DCC: variants seen among roughly 807,000 people sequenced by gnomAD.
DCC encodes the protein netrin receptor DCC.
DCC carries 58 observed loss-of-function variants against 172.5 expected under a neutral mutation model. That is an observed-to-expected ratio of 0.34 (90% CI 0.27 to 0.42). DCC has a LOEUF of 0.42. Ranked by LOEUF, DCC falls within the 10% of genes least tolerant of loss-of-function variation. The pLI is 1.00. For synonymous variants in DCC, 709 were observed against 644.5 expected (o/e 1.10, Z -1.52); for missense variants, 1,740 against 1,791.0 (o/e 0.97, Z 0.51).
At chr18:52,507,680 C>A (rs578036324) in intron 1 of DCC, among the ~76,000 whole-genome samples, 4 of 152,308 alleles carry the variant, frequency 2.6e-5, no homozygotes, top group Non-Finnish European at 5.9e-5. Context: ...CCAGCTAAAC[C>A]TTTTCTTTTG....
chr18:52,730,094 A>G (rs1474534261), intron 1 of DCC, among the ~76,000 whole-genome samples: 1 of 152,214 alleles, frequency 6.6e-6, no homozygotes, highest in East Asian at 1.9e-4. Flanking sequence ...GTTTGTTTCA[A>G]TGATTTTTTT....
At chr18:52,879,377 C>G (rs1044386004) in intron 2 of DCC, among the ~76,000 whole-genome samples, 2 of 137,950 alleles carry the variant, frequency 1.4e-5, no homozygotes, top group African/African-American at 5.4e-5. Context: ...TGTTAACCAA[C>G]TATACATGAA....
At chr18:53,497,509 C>T (rs1414057130) in intron 26 of DCC, among the ~76,000 whole-genome samples, 2 of 152,162 alleles carry the variant, frequency 1.3e-5, no homozygotes, top group Non-Finnish European at 2.9e-5. Flanking sequence ...CACAAAGATG[C>T]CCAAAGTTGG....
At chr18:53,235,042 T>G (rs1026868362) in intron 12 of DCC, among the ~76,000 whole-genome samples, 1 of 152,216 alleles carries the variant, frequency 6.6e-6, no homozygotes, top group East Asian at 1.9e-4. Flanking sequence ...CTTTTCATTC[T>G]AATGTTAATG....
intron 11 of DCC, among the ~76,000 whole-genome samples, chr18:53,213,994 T>C (rs1032476494): frequency 6.6e-6 from 1 of 152,004 alleles, no homozygotes; most frequent in African/African-American, 2.4e-5. Context: ...TCAGCAACTA[T>C]TTACTGAGTG....
At chr18:53,373,575 T>C (rs1025230031) in intron 15 of DCC, among the ~76,000 whole-genome samples, 2 of 152,218 alleles carry the variant, frequency 1.3e-5, no homozygotes, top group Non-Finnish European at 1.5e-5. Context: ...CTTCATTTCA[T>C]CATGTTTTAT....
chr18:52,379,700 G>A (rs1179074856), intron 1 of DCC, among the ~76,000 whole-genome samples: 1 of 152,028 alleles, frequency 6.6e-6, no homozygotes, highest in Non-Finnish European at 1.5e-5. Context: ...GAGTTATTTA[G>A]CTTCGGCTTA....
chr18:52,358,781 G>A (rs1984492297), intron 1 of DCC, among the ~76,000 whole-genome samples: 1 of 152,124 alleles, frequency 6.6e-6, no homozygotes, highest in Non-Finnish European at 1.5e-5. Flanking sequence ...CTGGAAGTCT[G>A]GTATGCTTGC....
At chr18:52,564,749 A>G (rs746367873) in intron 1 of DCC, among the ~76,000 whole-genome samples, 9 of 151,900 alleles carry the variant, frequency 5.9e-5, no homozygotes, top group Non-Finnish European at 8.8e-5. Context: ...CTGTATACAA[A>G]TACATAAAAT....
At chr18:52,818,855 G>A (rs1183202617) in intron 2 of DCC, among the ~76,000 whole-genome samples, 2 of 152,138 alleles carry the variant, frequency 1.3e-5, no homozygotes, top group Non-Finnish European at 2.9e-5. Context: ...CCATGACAGT[G>A]GCTAGTTAGA....
intron 5 of DCC, among the ~76,000 whole-genome samples, chr18:53,000,793 A>C (rs2041553707): frequency 6.6e-6 from 1 of 151,928 alleles, no homozygotes; most frequent in South Asian, 2.1e-4. Flanking sequence ...ATGATTTTTC[A>C]AGGTGGTAGT....
chr18:52,577,997 C>G (rs926780081), intron 1 of DCC, among the ~76,000 whole-genome samples: 1 of 152,206 alleles, frequency 6.6e-6, no homozygotes, highest in African/African-American at 2.4e-5. Flanking sequence ...CAACTCATTA[C>G]AGCCCTAACT....
chr18:52,973,948 G>A (rs2041070854), intron 5 of DCC, among the ~76,000 whole-genome samples: 1 of 152,094 alleles, frequency 6.6e-6, no homozygotes, highest in Admixed American at 6.5e-5. Flanking sequence ...GCACACTCAT[G>A]TCCTGTTGTA....
At chr18:52,867,965 A>C (rs1457147958) in intron 2 of DCC, among the ~76,000 whole-genome samples, 1 of 151,288 alleles carries the variant, frequency 6.6e-6, no homozygotes, top group Non-Finnish European at 1.5e-5. Flanking sequence ...TCTTTCTTTT[A>C]ATTTGATCTT....
chr18:53,187,037 T>C (rs74551425), intron 9 of DCC, among the ~76,000 whole-genome samples: 4,181 of 152,234 alleles, frequency 0.027, 62 homozygotes, highest in Admixed American at 0.046. Context: ...TTATAATATT[T>C]GCATTGGGGT....
intron 3 of DCC, among the ~76,000 whole-genome samples, chr18:52,919,152 T>C (rs926336221): frequency 6.6e-6 from 1 of 152,130 alleles, no homozygotes; most frequent in African/African-American, 2.4e-5. Context: ...ACTTACATGG[T>C]AGTGTCAGAG....
intron 7 of DCC, among the ~76,000 whole-genome samples, chr18:53,102,594 T>G (rs1243534930): frequency 6.6e-6 from 1 of 152,118 alleles, no homozygotes; most frequent in Admixed American, 6.5e-5. Context: ...GCTTAGCTGA[T>G]TTTTGAAGTT....
chr18:53,385,021 CT>C (rs35779527), intron 15 of DCC, among the ~76,000 whole-genome samples: 19,339 of 130,858 alleles, frequency 0.15, 2,754 homozygotes, highest in African/African-American at 0.42. Flanking sequence ...TAATTTTTTT[CT>C]TTTTTTTTTT....
intron 15 of DCC, among the ~76,000 whole-genome samples, chr18:53,352,423 CTTG>C (rs1228696860): frequency 2.0e-5 from 3 of 152,104 alleles, no homozygotes; most frequent in Admixed American, 6.6e-5. Context: ...ATTGTTATGT[CTTG>C]TTGATGAATA....
Sources: allele counts gnomAD v4.1 joint callset (sites outside exome capture counted in the v4.1 genomes callset), GRCh38; gene constraint gnomAD v4.1.1; transcripts MANE v1.5; gene names NCBI Gene and HGNC (gene_info 2026-07-23, HGNC 2026-07-21).